Variants in KYNU observed in about 807,000 individuals in gnomAD.
KYNU encodes the protein L-kynurenine hydrolase.
A neutral mutation model predicts 59.2 loss-of-function variants in KYNU; 54 were observed. The ratio of observed to expected loss-of-function variants is 0.91; its 90% confidence interval spans 0.73 to 1.14. The LOEUF (loss-of-function observed/expected upper bound fraction) is 1.14, where lower values mean the gene tolerates loss of function less well. Ranked by LOEUF, KYNU falls within the 50% of genes most tolerant of loss-of-function variation. KYNU has a pLI of 0.00. For synonymous variants in KYNU, 177 were observed against 192.0 expected (o/e 0.92, Z 0.65); for missense variants, 567 against 554.4 (o/e 1.02, Z -0.23).
chr2:142,972,175 G>T (rs1025984109), intron 8 of KYNU, among the ~76,000 whole-genome samples: 1 of 152,056 alleles, frequency 6.6e-6, no homozygotes, highest in Non-Finnish European at 1.5e-5. Context: ...CTGGTAAAAA[G>T]AAACAGCTGA....
chr2:143,026,531 T>G (rs894738476), intron 10 of KYNU, among the ~76,000 whole-genome samples: 3 of 152,166 alleles, frequency 2.0e-5, no homozygotes, highest in Non-Finnish European at 2.9e-5. Flanking sequence ...CACTTGGCGC[T>G]GGTAGGACCC....
intron 2 of KYNU, among the ~76,000 whole-genome samples, chr2:142,901,902 G>C (rs1048981570): frequency 6.6e-6 from 1 of 152,156 alleles, no homozygotes; most frequent in Admixed American, 6.5e-5. Context: ...AAGGTCCCTC[G>C]AGTGGTATAG....
At chr2:142,947,880 T>G (rs1683850730) in intron 4 of KYNU, 1 of 152,168 alleles carries the variant, frequency 6.6e-6, no homozygotes, top group Non-Finnish European at 1.5e-5. Flanking sequence ...AAAAGCAGGG[T>G]TCAGTTTGCT....
chr2:143,005,182 T>C (rs1685833730), intron 10 of KYNU, among the ~76,000 whole-genome samples: 1 of 152,176 alleles, frequency 6.6e-6, no homozygotes, highest in South Asian at 2.1e-4. Context: ...GCAAATTCAT[T>C]AATACTATGA....
At chr2:142,956,441 T>A (rs1684169054) in intron 6 of KYNU, among the ~76,000 whole-genome samples, 167 bp downstream of exon 6, 1 of 152,210 alleles carries the variant, frequency 6.6e-6, no homozygotes, top group Non-Finnish European at 1.5e-5. Context: ...TAGCTTTATT[T>A]CTTTTGTTAA....
chr2:142,885,088 C>G (rs1297728728), intron 1 of KYNU, among the ~76,000 whole-genome samples: 2 of 126,472 alleles, frequency 1.6e-5, no homozygotes, highest in Non-Finnish European at 3.2e-5. Context: ...TGGTCTCAAA[C>G]TCCTGACCTC....
intron 2 of KYNU, among the ~76,000 whole-genome samples, chr2:142,901,342 G>A (rs371381414): frequency 5.1e-4 from 78 of 152,286 alleles, no homozygotes; most frequent in African/African-American, 1.6e-3. Context: ...GAGGTTCCCC[G>A]TTCTATTTCT....
chr2:142,906,927 C>A (rs1351396909), intron 2 of KYNU, among the ~76,000 whole-genome samples: 1 of 152,192 alleles, frequency 6.6e-6, no homozygotes, highest in Non-Finnish European at 1.5e-5. Context: ...ACTCTCCCAA[C>A]CCAGAAGTTG....
At chr2:142,996,004 C>G (rs879472921) in intron 10 of KYNU, among the ~76,000 whole-genome samples, 7 of 151,964 alleles carry the variant, frequency 4.6e-5, no homozygotes, top group Non-Finnish European at 7.4e-5. Flanking sequence ...CCAAACGTGT[C>G]TCTGTTTCCT....
In KYNU at chr2:142,986,203, C is replaced by T. The variant is rs190647990; in HGVS notation, c.902+182C>T. On this transcript the variant is annotated intron_variant, in intron 10 of 13. Transcript: ENST00000264170. ...TGAAATACATGCTTTCCAAAGAATT[C>T]AATTGGTTGAACAAGAAATTTAATC... 3.0e-4 allele frequency among the ~76,000 whole-genome samples: 46 copies of T among 151,962 alleles called. 1 individual carries two copies. Among genetic ancestry groups the T allele is most frequent in the Admixed American group, 2.0e-3 (31 of 15,222 alleles).
At chr2:142,931,492 T>C (rs1683217096) in intron 4 of KYNU, among the ~76,000 whole-genome samples, 1 of 152,174 alleles carries the variant, frequency 6.6e-6, no homozygotes, top group African/African-American at 2.4e-5. Context: ...GGGAGAGGTA[T>C]AGCCTCATTT....
At chr2:142,989,430 A>G (rs1685324385) in intron 10 of KYNU, 2 of 984,876 alleles carry the variant, frequency 2.0e-6, no homozygotes, top group South Asian at 9.4e-5. Context: ...ACAGTGGAAC[A>G]AATGTAACTG....
chr2:143,000,359 T>C (rs1345445333), intron 10 of KYNU, among the ~76,000 whole-genome samples: 1 of 152,202 alleles, frequency 6.6e-6, no homozygotes, highest in African/African-American at 2.4e-5. Flanking sequence ...TGACTCCCTT[T>C]ACTACTCATT....
intron 8 of KYNU, among the ~76,000 whole-genome samples, chr2:142,967,922 CTT>C (rs1312519963): frequency 6.6e-6 from 1 of 152,104 alleles, no homozygotes; most frequent in Non-Finnish European, 1.5e-5. Context: ...GTACTAAACA[CTT>C]TTGTGTACAA....
intron 10 of KYNU, among the ~76,000 whole-genome samples, chr2:142,986,364 T>G (rs1013642938): frequency 6.6e-6 from 1 of 151,912 alleles, no homozygotes; most frequent in Non-Finnish European, 1.5e-5. Context: ...CGTTGATGAA[T>G]AAATCAAAGG....
intron 8 of KYNU, among the ~76,000 whole-genome samples, chr2:142,966,610 T>C (rs1684548124): frequency 6.6e-6 from 1 of 152,136 alleles, no homozygotes; most frequent in Non-Finnish European, 1.5e-5. Flanking sequence ...ACAGAATGTG[T>C]AGATCAGGAA....
chr2:142,905,049 G>A (rs1056029524), intron 2 of KYNU, among the ~76,000 whole-genome samples: 25 of 152,258 alleles, frequency 1.6e-4, no homozygotes, highest in African/African-American at 5.3e-4. Flanking sequence ...ATGCAAATTC[G>A]TTTCAGAGAG....
chr2:143,040,415 T>G lies in KYNU; in HGVS notation c.1042-13T>G, dbSNP rs1425195618. ...AATAAGACACTTTAATCTGATTGTT[T>G]CTCATTCCACAGATCTTTAAGCAAG... On this transcript the variant is annotated splice_polypyrimidine_tract_variant and intron_variant, in intron 12 of 13. Coordinates refer to ENST00000264170, the MANE Select transcript of KYNU (RefSeq NM_003937.3). 6.3e-7 allele frequency: 1 copy of G among 1,594,938 alleles called. No homozygotes were observed. Among genetic ancestry groups the G allele is most frequent in the African/African-American group, 1.3e-5 (1 of 74,510 alleles).
intron 4 of KYNU, among the ~76,000 whole-genome samples, chr2:142,934,415 G>C (rs1232636772): frequency 6.6e-6 from 1 of 152,114 alleles, no homozygotes; most frequent in Non-Finnish European, 1.5e-5. Context: ...TGGTGCGTTG[G>C]GTACTATGGG....
Sources: allele counts gnomAD v4.1 joint callset (sites outside exome capture counted in the v4.1 genomes callset), GRCh38; gene constraint gnomAD v4.1.1; transcripts MANE v1.5; gene names NCBI Gene and HGNC (gene_info 2026-07-23, HGNC 2026-07-21).